Variants in SHQ1 observed in about 807,000 individuals in gnomAD.
SHQ1 encodes the protein protein SHQ1 homolog.
SHQ1 carries 49 observed loss-of-function variants against 53.8 expected under a neutral mutation model. The ratio of observed to expected loss-of-function variants is 0.91; its 90% CI spans 0.72 to 1.16. The LOEUF is 1.16. Ranked by LOEUF, SHQ1 falls within the 50% of genes most tolerant of loss-of-function variation. The pLI is 0.00. For missense variants in SHQ1, 738 were observed against 683.1 expected (o/e 1.08, Z -0.90); for synonymous variants, 243 against 251.0 (o/e 0.97, Z 0.30).
At chr3:72,763,063 A>ATACACACT (rs1491509394) in intron 10 of SHQ1, among the ~76,000 whole-genome samples, 1 of 88,008 alleles carries the variant, frequency 1.1e-5, no homozygotes, top group African/African-American at 4.1e-5. Flanking sequence ...ACACACACAC[A>ATACACACT]GAGAGAGAGA....
At chr3:72,789,833 CAG>C (rs140779733) in intron 10 of SHQ1, among the ~76,000 whole-genome samples, 1,761 of 152,306 alleles carry the variant, frequency 0.012, 34 homozygotes, top group African/African-American at 0.041. Flanking sequence ...ATGAGAAAGA[CAG>C]ATGTTTCATT....
intron 10 of SHQ1, among the ~76,000 whole-genome samples, chr3:72,769,014 A>C (rs868336): frequency 0.33 from 49,788 of 152,100 alleles, 9,618 homozygotes; most frequent in African/African-American, 0.54. Context: ...CTCCTGCTTG[A>C]ATGGGACCTG....
In SHQ1 at chr3:72,842,711, T is replaced by C. The variant is rs181502476; in HGVS notation, c.209-309A>G. ...GCTCTAAAACTATGCCCTCATAGAT[T>C]TGGTGAATACAAGTCAAGATAGAAA... On this transcript the variant is annotated intron_variant, in intron 2 of 10. Coordinates refer to ENST00000325599, the MANE Select transcript of SHQ1 (RefSeq NM_018130.3). 3.9e-5 allele frequency among the ~76,000 whole-genome samples: 6 copies of C among 152,308 alleles called. No homozygotes were observed. In the East Asian group the frequency reaches 5.8e-4, roughly 15 times the overall value.
chr3:72,775,359 A>G (rs1471549600), intron 10 of SHQ1, among the ~76,000 whole-genome samples: 2 of 151,962 alleles, frequency 1.3e-5, no homozygotes. Flanking sequence ...ACCTATCAAA[A>G]CTGACTCAGA....
Position 72,848,246 on chromosome 3 carries a change from T to C in SHQ1, c.95A>G (p.Tyr32Cys), listed in dbSNP as rs1170340952. 1 of 1,614,008 alleles carries C rather than the reference T, an allele frequency of 6.2e-7. No homozygotes were observed. Among genetic ancestry groups the C allele is most frequent in the Admixed American group, 1.7e-5 (1 of 60,002 alleles). The change falls in exon 1 of 11, where the codon TAC becomes TGC. Residue 32 changes from tyrosine to cysteine, a missense_variant. By Grantham distance (194) the Tyr-to-Cys change is radical. Transcript: ENST00000325599. The stretch of plus-strand genomic sequence containing the variant: ...GAACTTGAAGTCAGACCCCTCGAAG[T>C]AGACGTCGAACTCGGAGACCCGGGC... ...PYARVSEFDV[Y>C]FEGSDFKFYA...
chr3:72,737,673 T>A, the SHQ1 span, among the ~76,000 whole-genome samples: 1 of 152,166 alleles, frequency 6.6e-6, no homozygotes. Context: ...ACAATGTAAG[T>A]GCTATGGAAA....
chr3:72,779,888 A>T (rs1378389845), intron 10 of SHQ1, among the ~76,000 whole-genome samples: 1 of 152,210 alleles, frequency 6.6e-6, no homozygotes, highest in Non-Finnish European at 1.5e-5. Flanking sequence ...TGGTTTAAAA[A>T]CAAAGCAAAA....
intron 10 of SHQ1, among the ~76,000 whole-genome samples, chr3:72,784,880 G>C (rs2106768501): frequency 6.6e-6 from 1 of 152,236 alleles, no homozygotes; most frequent in African/African-American, 2.4e-5. Flanking sequence ...TCCAGCTATG[G>C]CTCAAAATGG....
chr3:72,727,595 C>A, the SHQ1 span, among the ~76,000 whole-genome samples: 1 of 152,146 alleles, frequency 6.6e-6, no homozygotes, highest in Non-Finnish European at 1.5e-5. Flanking sequence ...GAGCAGAATG[C>A]GTTTTTGTTT....
chr3:72,745,793 T>C (rs111375744), downstream of SHQ1, among the ~76,000 whole-genome samples: 1,741 of 152,244 alleles, frequency 0.011, 35 homozygotes, highest in African/African-American at 0.04. Context: ...CTATTTCCAT[T>C]TCTGTCTACG....
chr3:72,754,449 T>TC (rs1705458478), intron 10 of SHQ1, among the ~76,000 whole-genome samples: 2 of 151,812 alleles, frequency 1.3e-5, no homozygotes, highest in African/African-American at 4.8e-5. Flanking sequence ...CAGCACGATC[T>TC]CGGCTCACCA....
intron 10 of SHQ1, among the ~76,000 whole-genome samples, chr3:72,781,163 G>A (rs776352314): frequency 8.6e-5 from 13 of 150,784 alleles, no homozygotes; most frequent in African/African-American, 1.7e-4. Flanking sequence ...AGGTTCCAGC[G>A]ATTCTCGTGC....
intron 1 of SHQ1, among the ~76,000 whole-genome samples, chr3:72,845,623 T>C (rs1708304951): frequency 6.6e-6 from 1 of 152,222 alleles, no homozygotes; most frequent in Non-Finnish European, 1.5e-5. Flanking sequence ...TTTTAAAAAG[T>C]GTCTATGGCT....
chr3:72,842,415 T>C lies in SHQ1; in HGVS notation c.209-13A>G, dbSNP rs1478741641. On this transcript the variant is annotated splice_polypyrimidine_tract_variant and intron_variant, in intron 2 of 10. Coordinates refer to ENST00000325599, the MANE Select transcript of SHQ1 (RefSeq NM_018130.3). ...ATGGTAAAAATTCCTTAAAGATAAA[T>C]TTGTTTTATGCTTAGATTAAAATAT... 1.2e-6 allele frequency: 2 copies of C among 1,611,208 alleles called. No individual in the cohort carries two copies. Among genetic ancestry groups the C allele is most frequent in the Non-Finnish European group, 1.7e-6 (2 of 1,178,264 alleles).
At chr3:72,755,714 A>T (rs1388677725) in intron 10 of SHQ1, among the ~76,000 whole-genome samples, 2 of 152,214 alleles carry the variant, frequency 1.3e-5, no homozygotes, top group Non-Finnish European at 2.9e-5. Flanking sequence ...GTTGGTTCTA[A>T]TCTGCCACTC....
At chr3:72,760,695 T>C (rs1705592644) in intron 10 of SHQ1, among the ~76,000 whole-genome samples, 1 of 152,246 alleles carries the variant, frequency 6.6e-6, no homozygotes, top group South Asian at 2.1e-4. Flanking sequence ...AATTATTTAA[T>C]CTTTGAAAAT....
At chr3:72,752,677 C>T (rs1205143776) in intron 10 of SHQ1, among the ~76,000 whole-genome samples, 4 of 152,068 alleles carry the variant, frequency 2.6e-5, no homozygotes. Context: ...CAGGCGCGTA[C>T]CACCATGCCC....
intron 10 of SHQ1, among the ~76,000 whole-genome samples, chr3:72,783,114 G>A (rs1706119625): frequency 6.6e-6 from 1 of 152,070 alleles, no homozygotes; most frequent in Admixed American, 6.6e-5. Flanking sequence ...CAAGGACTTG[G>A]GCAGTCTACA....
intron 9 of SHQ1, among the ~76,000 whole-genome samples, chr3:72,812,030 A>G (rs775591096): frequency 1.3e-5 from 2 of 152,208 alleles, no homozygotes; most frequent in Non-Finnish European, 2.9e-5. Context: ...TCTAATGATG[A>G]TACTATGGGC....
Sources: allele counts gnomAD v4.1 joint callset (sites outside exome capture counted in the v4.1 genomes callset), GRCh38; gene constraint gnomAD v4.1.1; transcripts MANE v1.5; gene names NCBI Gene and HGNC (gene_info 2026-07-23, HGNC 2026-07-21).